Variants in ADGB observed in about 807,000 individuals in gnomAD.
ADGB encodes androglobin, also known as calpain-7-like protein.
A neutral mutation model predicts 210.5 loss-of-function variants in ADGB; 172 were observed. That is an observed-to-expected ratio of 0.82 (90% CI 0.72 to 0.93). ADGB has a LOEUF of 0.93. Among genes scored for constraint, ADGB ranks in the 40% least tolerant of loss-of-function variants. The pLI is 0.00. For synonymous variants in ADGB, 658 were observed against 662.7 expected, an observed-to-expected ratio of 0.99 and a Z score of 0.11; for missense variants, 2,025 against 1,964.8, an observed-to-expected ratio of 1.03 and a Z score of -0.58.
rs775673308 is a variant in ADGB, at chr6:146,656,994, C to T, written c.612+14C>T. 1.2e-4 allele frequency: 183 copies of T among 1,537,586 alleles called. No individual in the cohort carries two copies. The African/African-American group carries it at 1.9e-3, about 16-fold the overall frequency. On this transcript the variant is annotated intron_variant, in intron 5 of 35. Transcript: ENST00000397944. ...CTTTACTGGATGGTAAGTCCATTTT[C>T]GTGTGCATAAAAACTCATGAGTCTT...
chr6:146,668,644 G>T (rs1012095978), intron 7 of ADGB, among the ~76,000 whole-genome samples: 3 of 152,058 alleles, frequency 2.0e-5, no homozygotes, highest in African/African-American at 7.2e-5. Context: ...TTGATGGAAT[G>T]CTTACAGTTT....
At chr6:146,657,351 AGAAG>A (rs1562266599) in intron 5 of ADGB, among the ~76,000 whole-genome samples, 3 of 151,706 alleles carry the variant, frequency 2.0e-5, no homozygotes, top group East Asian at 1.9e-4. Context: ...AGAAAGAGAG[AGAAG>A]GAAGGAAGGA....
In ADGB at chr6:146,796,723, T is replaced by G. The variant is rs141335026; in HGVS notation, c.4538-4460T>G. 4.7e-4 allele frequency among the ~76,000 whole-genome samples: 72 copies of G among 152,150 alleles called. No homozygotes were observed. In the East Asian group the frequency reaches 0.012, roughly 25 times the overall value. On this transcript the variant is annotated intron_variant, in intron 33 of 35. Coordinates refer to ENST00000397944, the MANE Select transcript of ADGB (RefSeq NM_024694.4). ...TATACAAAAATCAACTCAAGATGGA[T>G]CAAAGACTTAAATCTAAGACCAGAA...
At chr6:146,643,991 T>A (rs1775566220) in intron 2 of ADGB, among the ~76,000 whole-genome samples, 1 of 151,868 alleles carries the variant, frequency 6.6e-6, no homozygotes, top group African/African-American at 2.4e-5. Context: ...CAGTATAAAA[T>A]GACAAAATTA....
intron 10 of ADGB, among the ~76,000 whole-genome samples, chr6:146,690,433 G>A (rs1411719806): frequency 6.6e-6 from 1 of 152,166 alleles, no homozygotes; most frequent in Non-Finnish European, 1.5e-5. Flanking sequence ...TGGCTATAGT[G>A]TATATCACTT....
At chr6:146,785,840 T>C (rs1033592428) in intron 32 of ADGB, 128 bp downstream of exon 32, 10 of 690,380 alleles carry the variant, frequency 1.4e-5, no homozygotes, top group East Asian at 2.7e-5. Flanking sequence ...TTGAGGATTA[T>C]AAAAAGTCGC....
intron 1 of ADGB, among the ~76,000 whole-genome samples, chr6:146,603,102 T>A (rs1780583394): frequency 6.6e-6 from 1 of 152,178 alleles, no homozygotes; most frequent in Non-Finnish European, 1.5e-5. Context: ...AAGGGCCCCA[T>A]GTCCTAATAC....
chr6:146,664,062 A>T, intron 5 of ADGB, 139 bp from the exon 6 acceptor site: 1 of 779,998 alleles, frequency 1.3e-6, no homozygotes, highest in Admixed American at 3.3e-5. Context: ...ATTGAAATCC[A>T]GTATCTCCGT....
At chr6:146,662,731 T>C (rs1297300799) in intron 5 of ADGB, among the ~76,000 whole-genome samples, 1 of 151,834 alleles carries the variant, frequency 6.6e-6, no homozygotes, top group African/African-American at 2.4e-5. Flanking sequence ...ACAACTCTGA[T>C]TGCTAATTAG....
intron 5 of ADGB, among the ~76,000 whole-genome samples, chr6:146,657,320 CAA>C (rs59612556): frequency 0.79 from 111,798 of 142,286 alleles, 43,385 homozygotes; most frequent in African/African-American, 0.88. Flanking sequence ...AGCAAAACTC[CAA>C]AAAAAAAAAA....
At chr6:146,712,817 A>G (rs1776678511) in intron 13 of ADGB, among the ~76,000 whole-genome samples, 1 of 152,184 alleles carries the variant, frequency 6.6e-6, no homozygotes, top group Non-Finnish European at 1.5e-5. Context: ...GTTCAGTAGT[A>G]TTGAATACAT....
chr6:146,635,445 CCAGAGTGGAGTGAAGCTGACATAAATT>C lies in ADGB; in HGVS notation c.150_176del (p.Trp51_Glu59del), dbSNP rs1455889209. Reference sequence around the variant, plus strand: ...AAAGAAGGGGAAATTCCCACTCTGGCCAGAGTGGAGTGAAGCTGACATAAATTCAGAAAAGTGGGATGCAGGCAAAGG... The same window carrying C: ...AAAGAAGGGGAAATTCCCACTCTGGCCAGAAAAGTGGGATGCAGGCAAAGG... On this transcript the variant is annotated inframe_deletion, in exon 2 of 36. Coordinates refer to ENST00000397944, the MANE Select transcript of ADGB (RefSeq NM_024694.4). 1.9e-6 allele frequency: 3 copies of C among 1,547,500 alleles called. No individual in the cohort carries two copies. The highest frequency in any genetic ancestry group is 2.6e-6 in the Non-Finnish European group (3 of 1,144,882).
At chr6:146,705,773 A>C (rs1474310876) in intron 13 of ADGB, among the ~76,000 whole-genome samples, 1 of 152,126 alleles carries the variant, frequency 6.6e-6, no homozygotes, top group Non-Finnish European at 1.5e-5. Flanking sequence ...TTTGGTATTA[A>C]GATAATGCTT....
At chr6:146,688,032 T>C (rs969330897) in intron 10 of ADGB, among the ~76,000 whole-genome samples, 1 of 152,154 alleles carries the variant, frequency 6.6e-6, no homozygotes, top group African/African-American at 2.4e-5. Flanking sequence ...CATTGGTTAA[T>C]TCAACAGATT....
rs141842147 is a variant in ADGB at position 146,766,822 on chromosome 6, A to G, written c.3751-2198A>G. Among the ~76,000 whole-genome samples the G allele has an allele frequency of 2.0e-3, 298 of 152,338 alleles. 1 individual carries two copies. Among genetic ancestry groups the G allele is most frequent in the African/African-American group, 6.7e-3 (277 of 41,582 alleles). On this transcript the variant is annotated intron_variant, in intron 28 of 35. Coordinates refer to ENST00000397944, the MANE Select transcript of ADGB (RefSeq NM_024694.4). ...AAATGTATTTATAAACATAGGTGATAAATTGCAAATAACATAATAGATATC... is the reference window on the plus strand; with the variant it reads ...AAATGTATTTATAAACATAGGTGATGAATTGCAAATAACATAATAGATATC...
chr6:146,630,439 C>A (rs2114853359), intron 1 of ADGB, among the ~76,000 whole-genome samples: 1 of 151,674 alleles, frequency 6.6e-6, no homozygotes, highest in Admixed American at 6.6e-5. Flanking sequence ...GAATAAAAGC[C>A]AGACATGTTG....
chr6:146,738,638 C>T (rs891380696), intron 23 of ADGB, among the ~76,000 whole-genome samples: 2 of 151,658 alleles, frequency 1.3e-5, no homozygotes, highest in East Asian at 1.9e-4. Context: ...TTAGTAAAGA[C>T]GGGGTTTCAC....
intron 3 of ADGB, among the ~76,000 whole-genome samples, chr6:146,649,920 G>A (rs1432653332): frequency 1.3e-5 from 2 of 152,040 alleles, no homozygotes; most frequent in South Asian, 2.1e-4. Context: ...TAGACACAAC[G>A]AATAGCACAA....
Position 146,644,835 on chromosome 6 carries a change from GA to G in ADGB, c.303del (p.Lys101AsnfsTer13). ...LPPSLKIYSW[K>X]RPQDILFSQT... ...CACCATCCTTGAAAATTTATTCCTG[GA>G]AACGTCCACAAGATATTTTATTTAG... On this transcript the variant is annotated frameshift_variant, in exon 3 of 36. Coordinates refer to ENST00000397944, the MANE Select transcript of ADGB (RefSeq NM_024694.4). LOFTEE classifies it high-confidence loss of function. The G allele has an allele frequency of 6.7e-7, 1 of 1,489,888 alleles. No individual in the cohort carries two copies. The highest frequency in any genetic ancestry group is 1.4e-5 in the South Asian group (1 of 69,870). 92.3% of individuals were successfully genotyped at this position (1,489,888 alleles called of 1,614,324 possible).
Sources: allele counts gnomAD v4.1 joint callset (sites outside exome capture counted in the v4.1 genomes callset), GRCh38; gene constraint gnomAD v4.1.1; transcripts MANE v1.5; gene names NCBI Gene and HGNC (gene_info 2026-07-23, HGNC 2026-07-21).